AGBL4: variants seen among roughly 807,000 people sequenced by gnomAD.
The protein encoded by AGBL4 is AGBL carboxypeptidase 4, also known as cytosolic carboxypeptidase 6.
Under a neutral mutation model 66.4 loss-of-function variants are expected in AGBL4, and 58 were observed. That is an observed-to-expected ratio of 0.87 (90% CI 0.71 to 1.09). AGBL4 has a LOEUF of 1.09. AGBL4 is among the 50% of genes least tolerant of loss of function. The pLI is 0.00. For synonymous variants in AGBL4, 234 were observed against 222.9 expected (o/e 1.05, Z -0.44); for missense variants, 579 against 631.0 (o/e 0.92, Z 0.88).
chr1:48,991,515 C>G (rs1189698653), intron 5 of AGBL4, among the ~76,000 whole-genome samples: 1 of 152,108 alleles, frequency 6.6e-6, no homozygotes, highest in Non-Finnish European at 1.5e-5. Flanking sequence ...ATATTGATAG[C>G]TTTCTCAACA....
intron 3 of AGBL4, among the ~76,000 whole-genome samples, chr1:49,316,886 A>G (rs997798611): frequency 6.6e-6 from 1 of 151,916 alleles, no homozygotes; most frequent in Non-Finnish European, 1.5e-5. Context: ...GATGCATTCA[A>G]ACAATGAATT....
intron 3 of AGBL4, among the ~76,000 whole-genome samples, chr1:49,395,187 T>C (rs901108075): frequency 1.3e-5 from 2 of 152,184 alleles, no homozygotes; most frequent in Non-Finnish European, 2.9e-5. Context: ...TAAGGGGTCA[T>C]TAATATGATT....
intron 1 of AGBL4, among the ~76,000 whole-genome samples, chr1:49,991,434 T>A (rs891723720): frequency 1.3e-5 from 2 of 152,184 alleles, no homozygotes; most frequent in Non-Finnish European, 2.9e-5. Flanking sequence ...TTTATAATAA[T>A]CAGATTTTGC....
intron 3 of AGBL4, among the ~76,000 whole-genome samples, chr1:49,369,294 A>C (rs1040262740): frequency 4.6e-5 from 7 of 152,234 alleles, no homozygotes; most frequent in African/African-American, 1.4e-4. Flanking sequence ...CTTTTAAAAA[A>C]CTATTCATAA....
At chr1:49,777,135 A>G (rs1358918351) in intron 2 of AGBL4, among the ~76,000 whole-genome samples, 5 of 152,212 alleles carry the variant, frequency 3.3e-5, no homozygotes, top group Admixed American at 2.6e-4. Context: ...CTGAGAAATA[A>G]GTCATAAAAT....
At chr1:49,238,053 A>G (rs933482989) in intron 4 of AGBL4, among the ~76,000 whole-genome samples, 1 of 152,074 alleles carries the variant, frequency 6.6e-6, no homozygotes, top group South Asian at 2.1e-4. Flanking sequence ...TCTGTTGTGA[A>G]GTCTGCTGTA....
At chr1:49,366,627 C>G (rs1644246657) in intron 3 of AGBL4, among the ~76,000 whole-genome samples, 2 of 152,146 alleles carry the variant, frequency 1.3e-5, no homozygotes, top group Admixed American at 1.3e-4. Flanking sequence ...AATATTCACT[C>G]CATCAAATGA....
rs1651359979 is a variant in AGBL4 at position 49,750,429 on chromosome 1, C to T, written c.158-52992G>A. Reference sequence around the variant, plus strand: ...ATGTGTGGTGTTATTTCTGAGGCTTCTGTTCTGTCCCATTGGTCTATATAT... The same window carrying T: ...ATGTGTGGTGTTATTTCTGAGGCTTTTGTTCTGTCCCATTGGTCTATATAT... On this transcript the variant is annotated intron_variant, in intron 2 of 13. Coordinates refer to ENST00000371839, the MANE Select transcript of AGBL4 (RefSeq NM_032785.4). Among the ~76,000 whole-genome samples, 3 of 152,142 alleles carry T rather than the reference C, an allele frequency of 2.0e-5. No individual in the cohort carries two copies. In the South Asian group the frequency reaches 6.2e-4, roughly 31 times the overall value.
intron 5 of AGBL4, among the ~76,000 whole-genome samples, 190 bp downstream of exon 5, chr1:49,045,393 TA>T (rs1000657664): frequency 3.3e-5 from 5 of 152,168 alleles, no homozygotes; most frequent in Non-Finnish European, 5.9e-5. Flanking sequence ...AATCACACAA[TA>T]AAAACAATAC....
intron 3 of AGBL4, among the ~76,000 whole-genome samples, chr1:49,538,009 T>C (rs1651737738): frequency 6.6e-6 from 1 of 151,390 alleles, no homozygotes; most frequent in Admixed American, 6.6e-5. Flanking sequence ...GAATGTAAAT[T>C]AGTACAACCT....
intron 4 of AGBL4, among the ~76,000 whole-genome samples, chr1:49,215,755 A>T (rs926838480): frequency 4.6e-5 from 7 of 151,956 alleles, no homozygotes; most frequent in Middle Eastern, 3.2e-3. Context: ...AAGCTTCATC[A>T]TCCCTTTCTT....
chr1:49,937,037 A>G (rs1445176619), intron 1 of AGBL4, among the ~76,000 whole-genome samples: 1 of 152,256 alleles, frequency 6.6e-6, no homozygotes, highest in Non-Finnish European at 1.5e-5. Context: ...TAAAAGACAC[A>G]GACTGGCAAA....
intron 6 of AGBL4, among the ~76,000 whole-genome samples, chr1:48,816,589 G>T (rs573694363): frequency 6.6e-6 from 1 of 152,260 alleles, no homozygotes; most frequent in South Asian, 2.1e-4. Flanking sequence ...TAACCCTCAG[G>T]TTTAAGGGTC....
At chr1:49,915,229 C>T (rs571602708) in intron 1 of AGBL4, among the ~76,000 whole-genome samples, 3 of 152,134 alleles carry the variant, frequency 2.0e-5, no homozygotes, top group African/African-American at 7.2e-5. Flanking sequence ...GCATGTTGGA[C>T]AGTGGGTGCA....
At chr1:50,009,233 T>C (rs1304096165) in intron 1 of AGBL4, among the ~76,000 whole-genome samples, 3 of 152,138 alleles carry the variant, frequency 2.0e-5, no homozygotes, top group Non-Finnish European at 4.4e-5. Context: ...CCAATATCCC[T>C]GATTAACAGA....
intron 1 of AGBL4, among the ~76,000 whole-genome samples, chr1:49,973,516 G>A (rs1452485081): frequency 1.3e-5 from 2 of 151,062 alleles, no homozygotes; most frequent in South Asian, 2.1e-4. Flanking sequence ...ACGTGTAAGA[G>A]TATTAGAATG....
chr1:48,542,475 C>T (rs1456877158), intron 11 of AGBL4, among the ~76,000 whole-genome samples: 9 of 152,216 alleles, frequency 5.9e-5, no homozygotes, highest in Admixed American at 5.9e-4. Flanking sequence ...AAAAGCGTTC[C>T]TATTTCTTCA....
At chr1:50,008,293 TA>T (rs1459295624) in intron 1 of AGBL4, among the ~76,000 whole-genome samples, 1 of 152,142 alleles carries the variant, frequency 6.6e-6, no homozygotes, top group Non-Finnish European at 1.5e-5. Flanking sequence ...TTAAAATTTT[TA>T]AAAAATAAAA....
At chr1:49,329,623 A>AC (rs1645292073) in intron 3 of AGBL4, among the ~76,000 whole-genome samples, 1 of 152,068 alleles carries the variant, frequency 6.6e-6, no homozygotes, top group Non-Finnish European at 1.5e-5. Flanking sequence ...TCGAGATTGC[A>AC]CCACTGCACT....
Sources: allele counts gnomAD v4.1 joint callset (sites outside exome capture counted in the v4.1 genomes callset), GRCh38; gene constraint gnomAD v4.1.1; transcripts MANE v1.5; gene names NCBI Gene and HGNC (gene_info 2026-07-23, HGNC 2026-07-21).